The following WARS1 variants were observed in gnomAD, a reference collection of about 807,000 sequenced individuals.
The protein encoded by WARS1 is tryptophan--tRNA ligase, cytoplasmic.
A neutral mutation model predicts 47.8 loss-of-function variants in WARS1; 17 were observed. The observed-to-expected ratio is 0.36, with a 90% CI of 0.24 to 0.53. The LOEUF (loss-of-function observed/expected upper bound fraction) is 0.53. WARS1 is among the 20% of genes least tolerant of loss of function. WARS1 has a pLI of 0.91. For synonymous variants in WARS1, 208 were observed against 228.1 expected (o/e 0.91, Z 0.79); for missense variants, 434 against 608.0 (o/e 0.71, Z 3.01).
At position 100,360,567 on chromosome 14, in the gene WARS1, AG is replaced by A; in HGVS notation, c.408del (p.Phe137SerfsTer7). The A allele has an allele frequency of 6.2e-7, 1 of 1,613,040 alleles. No homozygotes were observed. The highest frequency in any genetic ancestry group is 8.5e-7 in the Non-Finnish European group (1 of 1,179,194). On this transcript the variant is annotated frameshift_variant, in exon 4 of 11. Coordinates refer to ENST00000392882, the MANE Select transcript of WARS1 (RefSeq NM_004184.4). LOFTEE classifies it high-confidence loss of function. The part of the protein sequence containing the change: ...QRPHHFLRRG[I>X]FFSHRDMNQV... ...AGAGCCCCTGACCTGTGTGAGAAGA[AG>A]ATGCCTCTGCGCAGGAAGTGGTGTG...
At chr14:100,336,501 G>A (rs1277119578) in intron 10 of WARS1, among the ~76,000 whole-genome samples, 1 of 152,142 alleles carries the variant, frequency 6.6e-6, no homozygotes, top group Admixed American at 6.5e-5. Flanking sequence ...CTGAGTCTGT[G>A]TTGAACTTTT....
At chr14:100,354,377 A>G (rs1895180956) in intron 5 of WARS1, 70 bp downstream of exon 5, 1 of 1,570,584 alleles carries the variant, frequency 6.4e-7, no homozygotes, top group East Asian at 2.3e-5. Context: ...TGTCAGTTCT[A>G]AACATGGTTT....
chr14:100,336,430 G>T (rs985602486), intron 10 of WARS1, among the ~76,000 whole-genome samples: 1 of 152,146 alleles, frequency 6.6e-6, no homozygotes, highest in Non-Finnish European at 1.5e-5. Context: ...ACTTAAAATA[G>T]TTCATGCCCG....
chr14:100,376,290 G>A, upstream of WARS1: 2 of 957,120 alleles, frequency 2.1e-6, no homozygotes, highest in Non-Finnish European at 2.7e-6. Flanking sequence ...AGCGCTCCCG[G>A]CTCAGCAACC....
At chr14:100,345,032 C>G (rs1338550069) in intron 7 of WARS1, among the ~76,000 whole-genome samples, 3 of 150,684 alleles carry the variant, frequency 2.0e-5, no homozygotes, top group African/African-American at 7.3e-5. Context: ...CCAGCCGCCC[C>G]GTCCGGGAGG....
At chr14:100,337,022 G>A (rs1285432449) in intron 10 of WARS1, 40 bp downstream of exon 10, 1 of 1,599,250 alleles carries the variant, frequency 6.3e-7, no homozygotes, top group African/African-American at 1.3e-5. Context: ...AGGAGTGGGT[G>A]GCAGAAGGCG....
Position 100,354,660 on chromosome 14 carries a change from C to T in WARS1, c.423-94G>A, listed in dbSNP as rs1333127969. 48 of 1,374,690 alleles carry T rather than the reference C, an allele frequency of 3.5e-5. 1 individual carries two copies. Among genetic ancestry groups the T allele is most frequent in the South Asian group, 1.4e-4 (10 of 70,918 alleles). 85.2% of individuals were successfully genotyped at this position (1,374,690 alleles called of 1,614,324 possible). On this transcript the variant is annotated intron_variant, in intron 4 of 10. Coordinates refer to ENST00000392882, the MANE Select transcript of WARS1 (RefSeq NM_004184.4). Reference sequence around the variant, plus strand: ...TGGAAATGGAAAATATAGACAGAGACGAAACAACATGGATAATAACTAGAA... The same window carrying T: ...TGGAAATGGAAAATATAGACAGAGATGAAACAACATGGATAATAACTAGAA...
At chr14:100,340,614 G>A (rs1894093930) in intron 9 of WARS1, 1 of 152,196 alleles carries the variant, frequency 6.6e-6, no homozygotes, top group Non-Finnish European at 1.5e-5. Flanking sequence ...CTGAGTAGCT[G>A]GGACTACAGG....
rs1896440324 is a variant in WARS1 at position 100,373,046 on chromosome 14, GA to G, written c.-74+2236del. On this transcript the variant is annotated intron_variant, in intron 1 of 10. Transcript: ENST00000392882. The surrounding 1 kb of genome is among the most constrained non-coding windows in gnomAD (Gnocchi z 4.4). ...CCAAACACTCCTTTAGTAACTTTAT[GA>G]AAGCACTCACACTGCAGTTTAGTTA... 6.6e-6 allele frequency among the ~76,000 whole-genome samples: 1 copy of G among 152,176 alleles called. No individual in the cohort carries two copies. The highest frequency in any genetic ancestry group is 2.4e-5 in the African/African-American group (1 of 41,440).
chr14:100,370,006 T>C (rs1316951602), intron 1 of WARS1, among the ~76,000 whole-genome samples: 1 of 152,186 alleles, frequency 6.6e-6, no homozygotes, highest in African/African-American at 2.4e-5. Flanking sequence ...GATGAATTCT[T>C]GGGCTTTTGC....
At chr14:100,367,035 A>G in intron 2 of WARS1, 2 of 782,660 alleles carry the variant, frequency 2.6e-6, no homozygotes, top group Non-Finnish European at 4.0e-6. Flanking sequence ...GATTTAATAC[A>G]GTAAAATAAG....
chr14:100,365,043 C>A (rs1041863766), intron 2 of WARS1, among the ~76,000 whole-genome samples: 1 of 151,486 alleles, frequency 6.6e-6, no homozygotes, highest in African/African-American at 2.4e-5. Flanking sequence ...AAGGTGGGAG[C>A]CCAGGAGTTT....
chr14:100,334,697 T>C lies in WARS1; in HGVS notation c.*178A>G, dbSNP rs1040216401. 31 of 650,912 alleles carry C rather than the reference T, an allele frequency of 4.8e-5. 3 individuals carry two copies. Among genetic ancestry groups the C allele is most frequent in the East Asian group, 3.1e-4 (10 of 32,656 alleles). 40.3% of individuals were successfully genotyped at this position (650,912 alleles called of 1,614,324 possible). On this transcript the variant is annotated 3_prime_UTR_variant, in exon 11 of 11. Transcript: ENST00000392882. ...CCCACAATGCTTTGCCCATAAGAGA[T>C]AGAAATAATGGAACTCACAGGAAGA... is the stretch of plus-strand genomic sequence containing the variant.
At chr14:100,371,813 G>A (rs1896369276) in intron 1 of WARS1, among the ~76,000 whole-genome samples, 1 of 152,130 alleles carries the variant, frequency 6.6e-6, no homozygotes, top group Admixed American at 6.6e-5. Flanking sequence ...CAAGTGCTTT[G>A]GGAAGCAGAG....
chr14:100,352,108 C>CTTTT lies in WARS1; in HGVS notation c.725+1575_725+1578dup, dbSNP rs1172421175. Among the ~76,000 whole-genome samples the CTTTT allele has an allele frequency of 4.0e-3, 377 of 94,244 alleles. 1 individual carries two copies. Among genetic ancestry groups the CTTTT allele is most frequent in the East Asian group, 4.6e-3 (13 of 2,824 alleles). The allele number at this position is 94,244 out of a possible 152,430, so 61.8% of individuals were successfully genotyped here. A position where few individuals can be genotyped will look rare whatever the true frequency, so the allele number is the denominator to read the frequency against. ...TATAAAACCACTACTCAGTTTCTTT[C>CTTTT]TTTTTTTTTTTTTTTTTTTTTGAGA... On this transcript the variant is annotated intron_variant, in intron 6 of 10. Transcript: ENST00000392882.
intron 10 of WARS1, among the ~76,000 whole-genome samples, chr14:100,336,511 T>G (rs1443925570): frequency 1.3e-5 from 2 of 152,206 alleles, no homozygotes; most frequent in African/African-American, 4.8e-5. Context: ...GTTGAACTTT[T>G]TGCTATTATC....
chr14:100,348,470 T>C (rs1894769255), intron 6 of WARS1, among the ~76,000 whole-genome samples: 1 of 152,116 alleles, frequency 6.6e-6, no homozygotes, highest in African/African-American at 2.4e-5. Context: ...GGCGCAGTAC[T>C]GTGAAGGGGC....
chr14:100,345,179 A>G (rs1332654497), intron 7 of WARS1, among the ~76,000 whole-genome samples: 5 of 151,118 alleles, frequency 3.3e-5, no homozygotes, highest in Non-Finnish European at 7.4e-5. Flanking sequence ...TGTACCCAAC[A>G]GCTCATTGAG....
rs2234530 is a variant in WARS1 at position 100,337,027 on chromosome 14, A to G, written c.1254+35T>C. 1,246,076 of 1,597,568 alleles carry G rather than the reference A, an allele frequency of 0.78. 488,003 individuals are homozygous for G. The highest frequency in any genetic ancestry group is 0.88 in the East Asian group (38,954 of 44,414). Reference sequence around the variant, plus strand: ...CCCCATGGGCAGGAGTGGGTGGCAGAAGGCGGCTGTGGGCCCTTGGGGTTC... The same window carrying G: ...CCCCATGGGCAGGAGTGGGTGGCAGGAGGCGGCTGTGGGCCCTTGGGGTTC... On this transcript the variant is annotated intron_variant, in intron 10 of 10. Coordinates refer to ENST00000392882, the MANE Select transcript of WARS1 (RefSeq NM_004184.4).
Sources: gnomAD v4.1 joint callset for allele counts (sites outside exome capture counted in the v4.1 genomes callset) on GRCh38, gnomAD v4.1.1 for gene constraint, Gnocchi (gnomAD v3.1) non-coding constraint, MANE v1.5 for transcripts, NCBI Gene and HGNC (gene_info 2026-07-23, HGNC 2026-07-21) for gene names.